DLC1: variants seen among roughly 807,000 people sequenced by gnomAD.
DLC1 encodes rho GTPase-activating protein 7.
In DLC1, 54 loss-of-function variants were observed where a neutral mutation model predicts 140.3. The observed-to-expected ratio is 0.38, with a 90% CI of 0.31 to 0.48. DLC1 has a LOEUF of 0.48. Ranked by LOEUF, DLC1 falls within the 20% of genes least tolerant of loss-of-function variation. DLC1 has a pLI of 0.96. For synonymous variants in DLC1, 986 were observed against 728.1 expected (o/e 1.35, Z -5.70); for missense variants, 2,536 against 1,907.0 (o/e 1.33, Z -6.14).
intron 2 of DLC1, among the ~76,000 whole-genome samples, chr8:13,416,124 A>C (rs1200971555): frequency 6.6e-6 from 1 of 152,192 alleles, no homozygotes; most frequent in Non-Finnish European, 1.5e-5. Context: ...ATGTACCCTG[A>C]TGCTGGCGTC....
In DLC1 at chr8:13,499,511, T is replaced by G. The variant is rs766925945; in HGVS notation, c.561A>C (p.Ile187=). 1.2e-6 allele frequency: 2 copies of G among 1,614,194 alleles called. No individual in the cohort carries two copies. Among genetic ancestry groups the G allele is most frequent in the African/African-American group, 1.3e-5 (1 of 75,042 alleles). Residue 187 remains isoleucine, a synonymous_variant, in exon 2 of 18, where the codon ATA becomes ATC. Transcript: ENST00000276297. ...ESGERKVTDS[I]SKSLELCNEI... ...CATTGCAAAGCTCCAGGCTTTTACT[T>G]ATAGAGTCAGTAACTTTTCTCTCCC...
intron 5 of DLC1, among the ~76,000 whole-genome samples, chr8:13,300,584 G>C (rs1832150054): frequency 6.6e-6 from 1 of 152,114 alleles, no homozygotes; most frequent in South Asian, 2.1e-4. Context: ...CTTTGATTTA[G>C]TTCACATTGG....
At chr8:13,116,685 A>G (rs550071333) in intron 5 of DLC1, among the ~76,000 whole-genome samples, 4 of 152,190 alleles carry the variant, frequency 2.6e-5, no homozygotes, top group Non-Finnish European at 5.9e-5. Context: ...TTTTTCACCT[A>G]TTATTTCCTG....
chr8:13,309,881 A>T (rs1832602779), intron 4 of DLC1, among the ~76,000 whole-genome samples: 1 of 152,146 alleles, frequency 6.6e-6, no homozygotes, highest in Non-Finnish European at 1.5e-5. Flanking sequence ...TTTCTTCCTG[A>T]TGACTTAGGA....
At chr8:13,598,605 T>G (rs945213430) in intron 1 of DLC1, among the ~76,000 whole-genome samples, 3 of 152,128 alleles carry the variant, frequency 2.0e-5, no homozygotes, top group Non-Finnish European at 2.9e-5. Context: ...AAGTTTTATT[T>G]CAATCCATAA....
At chr8:13,474,225 C>T (rs1454268377) in intron 2 of DLC1, among the ~76,000 whole-genome samples, 1 of 152,164 alleles carries the variant, frequency 6.6e-6, no homozygotes, top group Admixed American at 6.5e-5. Flanking sequence ...AGCCAAGGTA[C>T]AGCTTGGGCT....
At chr8:13,282,899 C>A (rs1231955130) in intron 5 of DLC1, among the ~76,000 whole-genome samples, 2 of 152,096 alleles carry the variant, frequency 1.3e-5, no homozygotes, top group Non-Finnish European at 2.9e-5. Context: ...GAGGAAAAAC[C>A]CAAAAAACTC....
chr8:13,546,621 A>G (rs73561349), intron 1 of DLC1, among the ~76,000 whole-genome samples: 25,326 of 152,076 alleles, frequency 0.17, 2,533 homozygotes, highest in African/African-American at 0.27. Flanking sequence ...AAATGAAGGA[A>G]AAACCAGGGC....
chr8:13,586,432 C>A (rs903258682), intron 1 of DLC1, among the ~76,000 whole-genome samples: 1 of 152,098 alleles, frequency 6.6e-6, no homozygotes, highest in African/African-American at 2.4e-5. Context: ...TCATTATGTA[C>A]ATGCTGGTGT....
chr8:13,551,769 T>C (rs1200587154), intron 1 of DLC1, among the ~76,000 whole-genome samples: 1 of 150,998 alleles, frequency 6.6e-6, no homozygotes, highest in Non-Finnish European at 1.5e-5. Flanking sequence ...CAAACATATG[T>C]ATCTATCAAA....
At chr8:13,389,257 A>G (rs1309664880) in intron 4 of DLC1, among the ~76,000 whole-genome samples, 3 of 152,142 alleles carry the variant, frequency 2.0e-5, no homozygotes, top group Non-Finnish European at 4.4e-5. Flanking sequence ...ACAAAACCTC[A>G]GAGATTTTAA....
intron 2 of DLC1, among the ~76,000 whole-genome samples, chr8:13,486,435 G>T (rs1035846451): frequency 1.3e-5 from 2 of 152,042 alleles, no homozygotes; most frequent in Non-Finnish European, 2.9e-5. Flanking sequence ...TATTAGGTTT[G>T]TGTTACATTT....
In DLC1 at chr8:13,099,498, G is replaced by A. The variant is rs746596129; in HGVS notation, c.2839C>T (p.Pro947Ser). The A allele has an allele frequency of 4.5e-5, 72 of 1,614,040 alleles. 2 individuals are homozygous for A. The South Asian group carries it at 7.8e-4, about 17-fold the overall frequency. Residue 947 changes from proline to serine, a missense_variant, in exon 9 of 18, where the codon CCA becomes TCA. Coordinates refer to ENST00000276297, the MANE Select transcript of DLC1 (RefSeq NM_182643.3). ...LDSVSPCPSS[P>S]KQIHLDVDND... is the part of the protein sequence containing the mutation. Reference sequence around the variant, plus strand: ...TCCACATCCAGGTGTATCTGTTTTGGAGAGGACGGGCAGGGAGAGACCGAG... The same window carrying A: ...TCCACATCCAGGTGTATCTGTTTTGAAGAGGACGGGCAGGGAGAGACCGAG...
At chr8:13,209,841 T>C (rs1195680806) in intron 5 of DLC1, among the ~76,000 whole-genome samples, 3 of 152,174 alleles carry the variant, frequency 2.0e-5, no homozygotes, top group Non-Finnish European at 4.4e-5. Context: ...GCTGGTGTTA[T>C]GCTTTCTGTA....
At chr8:13,185,698 AT>A (rs1226983350) in intron 5 of DLC1, among the ~76,000 whole-genome samples, 14 of 152,080 alleles carry the variant, frequency 9.2e-5, no homozygotes, top group Admixed American at 8.5e-4. Context: ...TATGATGTTC[AT>A]TGGTTATTTT....
chr8:13,392,552 C>T (rs532705683), intron 4 of DLC1, among the ~76,000 whole-genome samples: 1 of 152,206 alleles, frequency 6.6e-6, no homozygotes, highest in Non-Finnish European at 1.5e-5. Context: ...ATGCAGTGAA[C>T]AAGCAATCCA....
intron 1 of DLC1, among the ~76,000 whole-genome samples, chr8:13,582,302 A>G (rs1462818570): frequency 5.3e-5 from 8 of 152,218 alleles, no homozygotes; most frequent in Non-Finnish European, 2.9e-5. Context: ...TGGTATAGGT[A>G]CATGTGATGG....
At chr8:13,328,847 C>T (rs1302464865) in intron 4 of DLC1, among the ~76,000 whole-genome samples, 5 of 152,200 alleles carry the variant, frequency 3.3e-5, no homozygotes, top group South Asian at 2.1e-4. Context: ...CCAAAATGAG[C>T]TGGACAGTCA....
intron 5 of DLC1, among the ~76,000 whole-genome samples, chr8:13,209,191 T>C (rs1827818241): frequency 6.6e-6 from 1 of 152,150 alleles, no homozygotes; most frequent in Non-Finnish European, 1.5e-5. Context: ...CTATTTGATA[T>C]ATATTGATGT....
Sources: allele counts gnomAD v4.1 joint callset (sites outside exome capture counted in the v4.1 genomes callset), GRCh38; gene constraint gnomAD v4.1.1; transcripts MANE v1.5; gene names NCBI Gene and HGNC (gene_info 2026-07-23, HGNC 2026-07-21).